Variants in RIPOR2 observed in about 807,000 individuals in gnomAD.
RIPOR2 encodes the protein rho family-interacting cell polarization regulator 2.
Under a neutral mutation model 114.5 loss-of-function variants are expected in RIPOR2, and 39 were observed. The observed-to-expected ratio is 0.34, with a 90% CI of 0.26 to 0.44. The LOEUF is 0.44. Among genes scored for constraint, RIPOR2 ranks in the 20% least tolerant of loss-of-function variants. The probability of loss-of-function intolerance (pLI) is 1.00; values close to 1 mark genes in which losing one functional copy is unlikely to be tolerated. For missense variants in RIPOR2, 1,007 were observed against 1,255.1 expected, an observed-to-expected ratio of 0.80 and a Z score of 2.99; for synonymous variants, 445 against 484.4, an observed-to-expected ratio of 0.92 and a Z score of 1.07.
At chr6:24,961,719 G>A (rs766807250) in intron 1 of RIPOR2, among the ~76,000 whole-genome samples, 4 of 151,720 alleles carry the variant, frequency 2.6e-5, no homozygotes, top group African/African-American at 9.7e-5. Flanking sequence ...CTGCCTCCCA[G>A]GTTCAAGTGA....
rs116885664 is a variant in RIPOR2 at position 24,890,749 on chromosome 6, G to C, written c.62-14932C>G. On this transcript the variant is annotated intron_variant, in intron 1 of 21. Transcript: ENST00000643898. ...GGCTCACTAAAGCCTGGAACTCCTG[G>C]GCACAAGTGATTCTCTCCCCTTAGC... 2.7e-3 allele frequency among the ~76,000 whole-genome samples: 415 copies of C among 151,826 alleles called. 3 individuals are homozygous for C. In the South Asian group the frequency reaches 0.032, roughly 12 times the overall value.
At chr6:24,860,105 G>A (rs995366655) in intron 8 of RIPOR2, among the ~76,000 whole-genome samples, 2 of 152,190 alleles carry the variant, frequency 1.3e-5, no homozygotes, top group African/African-American at 4.8e-5. Flanking sequence ...ACTCAATAAT[G>A]TGTCTAGTTT....
At chr6:24,950,990 GT>G (rs1772721236) in intron 1 of RIPOR2, among the ~76,000 whole-genome samples, 1 of 152,332 alleles carries the variant, frequency 6.6e-6, no homozygotes, top group Middle Eastern at 3.4e-3. Context: ...GAAGACAAAG[GT>G]CAGCCAAGAT....
chr6:24,984,691 G>T (rs568846749), intron 1 of RIPOR2, among the ~76,000 whole-genome samples: 18 of 151,816 alleles, frequency 1.2e-4, no homozygotes, highest in African/African-American at 4.3e-4. Context: ...ACTTGGCATT[G>T]TATCTGGCCC....
chr6:24,923,872 T>TAAATAAAC (rs1377321205), intron 1 of RIPOR2, among the ~76,000 whole-genome samples: 2 of 151,756 alleles, frequency 1.3e-5, no homozygotes, highest in Non-Finnish European at 2.9e-5. Flanking sequence ...AATAAATAAA[T>TAAATAAAC]AAATAAACAA....
chr6:24,991,572 C>T (rs1371697135), intron 1 of RIPOR2, among the ~76,000 whole-genome samples: 2 of 152,140 alleles, frequency 1.3e-5, no homozygotes, highest in East Asian at 3.9e-4. Flanking sequence ...GGCTGAACGC[C>T]ATCCATGAAA....
intron 1 of RIPOR2, among the ~76,000 whole-genome samples, chr6:24,889,570 G>A (rs1015845469): frequency 5.3e-5 from 8 of 151,992 alleles, no homozygotes; most frequent in Non-Finnish European, 1.2e-4. Context: ...CCTCTTACAT[G>A]GATCTGTGAC....
chr6:25,040,669 C>T (rs373830332), intron 1 of RIPOR2, among the ~76,000 whole-genome samples: 3 of 150,694 alleles, frequency 2.0e-5, no homozygotes, highest in African/African-American at 7.3e-5. Flanking sequence ...CTCAGCTCAC[C>T]GCAACCTCCA....
At chr6:24,999,423 TA>T (rs1775195529) in intron 1 of RIPOR2, among the ~76,000 whole-genome samples, 1 of 152,196 alleles carries the variant, frequency 6.6e-6, no homozygotes. Flanking sequence ...TTGCTTTGGT[TA>T]AAGAAACCCA....
At chr6:24,847,818 G>T in intron 12 of RIPOR2, 1 of 1,160,252 alleles carries the variant, frequency 8.6e-7, no homozygotes, top group Non-Finnish European at 1.2e-6. Flanking sequence ...TCTTTAAAAG[G>T]CTGATCTTAG....
At chr6:24,819,684 G>GTTTTTTTTTTT (rs1759503979) in intron 19 of RIPOR2, among the ~76,000 whole-genome samples, 1 of 71,266 alleles carries the variant, frequency 1.4e-5, no homozygotes, top group Non-Finnish European at 3.1e-5. Context: ...TTTTTTTTTA[G>GTTTTTTTTTTT]TGGAGACAGG....
chr6:24,898,637 A>G (rs953435426), intron 1 of RIPOR2: 1 of 152,222 alleles, frequency 6.6e-6, no homozygotes, highest in Non-Finnish European at 1.5e-5. Context: ...CTTCACTGCA[A>G]TGAACTAGCT....
chr6:24,933,803 C>T (rs1425650000), intron 1 of RIPOR2, among the ~76,000 whole-genome samples: 1 of 152,136 alleles, frequency 6.6e-6, no homozygotes, highest in Non-Finnish European at 1.5e-5. Flanking sequence ...ACTTATCAAC[C>T]TGCACTACCT....
intron 1 of RIPOR2, among the ~76,000 whole-genome samples, chr6:24,967,969 G>A (rs1313467227): frequency 6.9e-6 from 1 of 145,060 alleles, no homozygotes; most frequent in Non-Finnish European, 1.5e-5. Context: ...CTGGAGTGTA[G>A]TGGCGTGATC....
intron 1 of RIPOR2, among the ~76,000 whole-genome samples, chr6:25,017,033 G>A (rs1004767763): frequency 2.0e-5 from 3 of 152,186 alleles, no homozygotes; most frequent in Admixed American, 2.0e-4. Flanking sequence ...GGGAGGTAGG[G>A]ACTGGAACAG....
intron 1 of RIPOR2, among the ~76,000 whole-genome samples, chr6:24,997,010 G>T (rs1775078342): frequency 6.6e-6 from 1 of 152,204 alleles, no homozygotes; most frequent in African/African-American, 2.4e-5. Context: ...CGCTGAAGCG[G>T]CTACAAGTGT....
At chr6:25,001,417 G>T (rs1297194738) in intron 1 of RIPOR2, among the ~76,000 whole-genome samples, 1 of 151,972 alleles carries the variant, frequency 6.6e-6, no homozygotes, top group African/African-American at 2.4e-5. Flanking sequence ...GAGGTCAGGA[G>T]TTTGAGACCA....
At position 24,958,958 on chromosome 6, in the gene RIPOR2, C is replaced by CTTTCTTTTTTTT. The variant is rs139147901; in HGVS notation, c.76+82892_76+82893insAAAAAAAAGAAA. ...TGCACCACTCCAAGCTCTACATTTT[C>CTTTCTTTTTTTT]TTTTTTTTTTGGAGACAGGGTCTCA... On this transcript the variant is annotated intron_variant, in intron 1 of 13. Coordinates refer to the RIPOR2 transcript ENST00000510784. Among the ~76,000 whole-genome samples the CTTTCTTTTTTTT allele has an allele frequency of 4.1e-5, 5 of 123,210 alleles. 1 individual carries two copies. The highest frequency in any genetic ancestry group is 6.4e-5 in the Non-Finnish European group (4 of 62,752). 80.8% of individuals were successfully genotyped at this position (123,210 alleles called of 152,430 possible). A position where few individuals can be genotyped will look rare whatever the true frequency, so the allele number is the denominator to read the frequency against.
At chr6:24,935,537 G>A (rs558347327) in intron 1 of RIPOR2, among the ~76,000 whole-genome samples, 13 of 152,220 alleles carry the variant, frequency 8.5e-5, no homozygotes, top group African/African-American at 3.1e-4. Context: ...ACAAGAGATA[G>A]CACAGAAGAG....
Sources: gnomAD v4.1 joint callset for allele counts (sites outside exome capture counted in the v4.1 genomes callset) on GRCh38, gnomAD v4.1.1 for gene constraint, MANE v1.5 for transcripts, NCBI Gene and HGNC (gene_info 2026-07-23, HGNC 2026-07-21) for gene names.